UACA: variants seen among roughly 807,000 people sequenced by gnomAD.
UACA encodes the protein nuclear membrane binding protein.
UACA carries 112 observed loss-of-function variants against 160.5 expected under a neutral mutation model. That is an observed-to-expected ratio of 0.70 (90% CI 0.60 to 0.82). The LOEUF is 0.82. Ranked by LOEUF, UACA falls within the 40% of genes least tolerant of loss-of-function variation. The pLI is 0.00. For missense variants in UACA, 1,574 were observed against 1,614.6 expected (o/e 0.97, Z 0.43); for synonymous variants, 557 against 568.4 (o/e 0.98, Z 0.29).
intron 7 of UACA, among the ~76,000 whole-genome samples, chr15:70,684,711 G>T (rs1897646477): frequency 6.6e-6 from 1 of 150,748 alleles, no homozygotes; most frequent in Non-Finnish European, 1.5e-5. Flanking sequence ...GTTCAAGTAA[G>T]TGTTCAACAC....
At chr15:70,754,085 C>T (rs1165465931) in intron 1 of UACA, 3 of 455,394 alleles carry the variant, frequency 6.6e-6, no homozygotes, top group East Asian at 7.0e-5. Context: ...GGATTACAGG[C>T]GTGAGCCACT....
intron 1 of UACA, among the ~76,000 whole-genome samples, chr15:70,711,561 A>C (rs1595904376): frequency 6.6e-6 from 1 of 152,240 alleles, no homozygotes; most frequent in African/African-American, 2.4e-5. Flanking sequence ...AAGGGATATA[A>C]ATATTTCACT....
the UACA span, among the ~76,000 whole-genome samples, chr15:70,776,524 T>C: frequency 6.7e-6 from 1 of 150,222 alleles, no homozygotes; most frequent in Non-Finnish European, 1.5e-5. Context: ...GCCTCCCAGG[T>C]TCAAGCGATT....
At chr15:70,665,495 C>T (rs1446393007) in intron 16 of UACA, among the ~76,000 whole-genome samples, 1 of 151,956 alleles carries the variant, frequency 6.6e-6, no homozygotes, top group Non-Finnish European at 1.5e-5. Flanking sequence ...AGTCCCAACA[C>T]TTTGGGAGGC....
chr15:70,669,365 T>G lies in UACA; in HGVS notation c.1319A>C (p.Glu440Ala). Residue 440 changes from glutamate to alanine, a missense_variant, in exon 16 of 19, where the codon GAA becomes GCA. Glu to Ala is a moderately radical substitution (Grantham distance 107). Transcript: ENST00000322954. ...LPSQTSYSEN[E>A]ILKKELEAMR... is the part of the protein sequence containing the mutation. Reference sequence around the variant, plus strand: ...TGCTTCTAACTCTTTCTTTAAAATTTCATTTTCAGAGTATGACGTTTGACT... The same window carrying G: ...TGCTTCTAACTCTTTCTTTAAAATTGCATTTTCAGAGTATGACGTTTGACT... The G allele has an allele frequency of 6.2e-7, 1 of 1,614,056 alleles. No individual in the cohort carries two copies. The highest frequency in any genetic ancestry group is 2.2e-5 in the East Asian group (1 of 44,870).
At chr15:70,674,317 G>T (rs1156277439) in intron 13 of UACA, among the ~76,000 whole-genome samples, 1 of 152,122 alleles carries the variant, frequency 6.6e-6, no homozygotes, top group Non-Finnish European at 1.5e-5. Flanking sequence ...CCATCATACT[G>T]AATGGGAACA....
In UACA at chr15:70,668,996, A is replaced by C; in HGVS notation, c.1688T>G (p.Leu563Ter). The change falls in exon 16 of 19, where the codon TTA becomes TGA. Residue 563 changes from leucine to a stop codon, truncating the protein, a stop_gained. Coordinates refer to ENST00000322954, the MANE Select transcript of UACA (RefSeq NM_018003.4). LOFTEE classifies it high-confidence loss of function. ...CTCATTTTGTTTGATTTGGTTTCTTAATTTCCCCACTTCTGCTGAAGCACC... is the reference window on the plus strand; with the variant it reads ...CTCATTTTGTTTGATTTGGTTTCTTCATTTCCCCACTTCTGCTGAAGCACC... ...YEGASAEVGK[L>*]RNQIKQNEMI... 5 of 1,613,754 alleles carry C rather than the reference A, an allele frequency of 3.1e-6. No homozygotes were observed. Among genetic ancestry groups the C allele is most frequent in the Non-Finnish European group, 4.2e-6 (5 of 1,179,958 alleles).
intron 3 of UACA, among the ~76,000 whole-genome samples, chr15:70,692,899 A>G (rs1415777445): frequency 6.6e-6 from 1 of 152,254 alleles, no homozygotes; most frequent in Non-Finnish European, 1.5e-5. Flanking sequence ...ACTTCCACGT[A>G]GCTGACTAAC....
At position 70,667,855 on chromosome 15, in the gene UACA, C is replaced by A; in HGVS notation, c.2829G>T (p.Gln943His). 2 of 1,614,036 alleles carry A rather than the reference C, an allele frequency of 1.2e-6. No individual in the cohort carries two copies. The highest frequency in any genetic ancestry group is 1.7e-6 in the Non-Finnish European group (2 of 1,179,992). Reference protein sequence around the residue: ...SSLSQSMRKVQDSNAEILANY... With the variant: ...SSLSQSMRKVHDSNAEILANY... ...TGGCCAAGATTTCAGCATTACTATC[C>A]TGCACCTTTCTCATGCTCTGACTTA... Residue 943 changes from glutamine (Q) to histidine (H), a missense_variant, in exon 16 of 19, where the codon CAG becomes CAT. Coordinates refer to ENST00000322954, the MANE Select transcript of UACA (RefSeq NM_018003.4).
At chr15:70,775,830 T>G in the UACA span, among the ~76,000 whole-genome samples, 3 of 152,228 alleles carry the variant, frequency 2.0e-5, no homozygotes, top group Non-Finnish European at 2.9e-5. Context: ...TTGATTTATT[T>G]GATAAGTGAC....
intron 15 of UACA, 74 bp from the exon 16 acceptor site, chr15:70,669,536 T>TA: frequency 1.7e-6 from 2 of 1,181,862 alleles, no homozygotes; most frequent in East Asian, 2.6e-5. Flanking sequence ...TTGCCAAACT[T>TA]AGAGAAAGTT....
intron 4 of UACA, among the ~76,000 whole-genome samples, 198 bp downstream of exon 4, chr15:70,691,101 T>C (rs573882080): frequency 7.2e-5 from 11 of 152,326 alleles, no homozygotes; most frequent in Admixed American, 2.6e-4. Flanking sequence ...TTTAATACAC[T>C]GAGTTATGCA....
At chr15:70,711,324 A>G (rs929350185) in intron 1 of UACA, among the ~76,000 whole-genome samples, 3 of 152,148 alleles carry the variant, frequency 2.0e-5, no homozygotes, top group African/African-American at 7.2e-5. Flanking sequence ...TGTTTATAAA[A>G]TAAGTACCAA....
chr15:70,709,914 G>C (rs191573976), intron 1 of UACA, among the ~76,000 whole-genome samples: 2 of 152,264 alleles, frequency 1.3e-5, no homozygotes, highest in Admixed American at 1.3e-4. Flanking sequence ...AAGCCAAGAG[G>C]AGTCATCCCG....
chr15:70,683,313 G>A (rs930221035), intron 8 of UACA, among the ~76,000 whole-genome samples: 1 of 151,918 alleles, frequency 6.6e-6, no homozygotes, highest in Non-Finnish European at 1.5e-5. Context: ...GAGCTATGAT[G>A]GCACCACTAT....
chr15:70,691,243 A>G, intron 4 of UACA, 56 bp downstream of exon 4: 1 of 1,255,892 alleles, frequency 8.0e-7, no homozygotes, highest in Non-Finnish European at 1.1e-6. Flanking sequence ...CATTAAAAGT[A>G]CATCTATGAT....
chr15:70,778,096 G>C, the UACA span, among the ~76,000 whole-genome samples: 1 of 151,994 alleles, frequency 6.6e-6, no homozygotes, highest in Non-Finnish European at 1.5e-5. Flanking sequence ...AGCTACCCAG[G>C]AGGCTGAGGA....
chr15:70,745,234 A>G (rs899581167), intron 1 of UACA, among the ~76,000 whole-genome samples: 1 of 152,094 alleles, frequency 6.6e-6, no homozygotes, highest in Non-Finnish European at 1.5e-5. Context: ...GATCAAGACC[A>G]TCCTAGCTAA....
At chr15:70,695,193 C>A in intron 2 of UACA, 88 bp from the exon 3 acceptor site, 1 of 769,618 alleles carries the variant, frequency 1.3e-6, no homozygotes, top group Admixed American at 3.0e-5. Context: ...TTTCAACACA[C>A]ACACACGCAC....
Sources: gnomAD v4.1 joint callset for allele counts (sites outside exome capture counted in the v4.1 genomes callset) on GRCh38, gnomAD v4.1.1 for gene constraint, MANE v1.5 for transcripts, NCBI Gene and HGNC (gene_info 2026-07-23, HGNC 2026-07-21) for gene names.